DNAH14: variants seen among roughly 807,000 people sequenced by gnomAD.
DNAH14 encodes axonemal beta dynein heavy chain 14.
Under a neutral mutation model 520.9 loss-of-function variants are expected in DNAH14, and 478 were observed. The observed-to-expected ratio is 0.92, with a 90% confidence interval of 0.85 to 0.99. The LOEUF (loss-of-function observed/expected upper bound fraction) is 0.99, where lower values mean the gene tolerates loss of function less well. Ranked by LOEUF, DNAH14 falls within the 50% of genes least tolerant of loss-of-function variation. The probability of loss-of-function intolerance (pLI) is 0.00; values close to 1 mark genes in which losing one functional copy is unlikely to be tolerated. For missense variants in DNAH14, 4,831 were observed against 5,234.5 expected (o/e 0.92, Z 2.38); for synonymous variants, 1,581 against 1,757.2 (o/e 0.90, Z 2.51).
chr1:225,265,036 CA>C, intron 47 of DNAH14, 145 bp from the exon 48 acceptor site: 1 of 632,272 alleles, frequency 1.6e-6, no homozygotes. Flanking sequence ...AGAAATATTC[CA>C]AAGTTCTATC....
intron 35 of DNAH14, among the ~76,000 whole-genome samples, chr1:225,162,635 A>C (rs909495190): frequency 2.0e-5 from 3 of 152,182 alleles, no homozygotes; most frequent in African/African-American, 7.2e-5. Flanking sequence ...TAATATGAAC[A>C]TTTTAACAAT....
chr1:225,043,919 T>C lies in DNAH14; in HGVS notation c.1848T>C (p.Asp616=). The change falls in exon 15 of 86, where the codon GAT becomes GAC. Residue 616 remains aspartate (D), a synonymous_variant. Transcript: ENST00000682510. ...FPEFPTNLFI[D]PNRLEFSVKI... ...AATTTCCTACAAATCTCTTTATAGATCCCAACAGATTGGAGTTTTCAGTAA... is the reference window on the plus strand; with the variant it reads ...AATTTCCTACAAATCTCTTTATAGACCCCAACAGATTGGAGTTTTCAGTAA... The C allele has an allele frequency of 6.5e-7, 1 of 1,527,250 alleles. No homozygotes were observed. Among genetic ancestry groups the C allele is most frequent in the South Asian group, 1.2e-5 (1 of 81,276 alleles). 94.6% of individuals were successfully genotyped at this position (1,527,250 alleles called of 1,614,324 possible). A position where few individuals can be genotyped will look rare whatever the true frequency, so the allele number is the denominator to read the frequency against.
intron 55 of DNAH14, among the ~76,000 whole-genome samples, chr1:225,293,915 T>C (rs897584948): frequency 6.6e-6 from 1 of 152,206 alleles, no homozygotes; most frequent in African/African-American, 2.4e-5. Context: ...CCTTTTTAAC[T>C]TGGAGGCCCT....
At chr1:225,015,549 T>C (rs1419103601) in intron 10 of DNAH14, among the ~76,000 whole-genome samples, 4 of 152,186 alleles carry the variant, frequency 2.6e-5, no homozygotes, top group African/African-American at 9.7e-5. Flanking sequence ...GAGTATTTCT[T>C]GTAAGTCCAT....
intron 54 of DNAH14, among the ~76,000 whole-genome samples, chr1:225,277,966 TTAA>T (rs2093530203): frequency 6.6e-6 from 1 of 152,090 alleles, no homozygotes; most frequent in African/African-American, 2.4e-5. Context: ...ATAAAGCATA[TTAA>T]TTATTTTTAT....
At chr1:225,077,180 A>G (rs1183405412) in intron 17 of DNAH14, among the ~76,000 whole-genome samples, 1 of 152,160 alleles carries the variant, frequency 6.6e-6, no homozygotes, top group Non-Finnish European at 1.5e-5. Flanking sequence ...ATAATCTTGC[A>G]GTTGTTTTCC....
At chr1:224,945,315 A>C (rs1449697241) in intron 1 of DNAH14, among the ~76,000 whole-genome samples, 1 of 152,046 alleles carries the variant, frequency 6.6e-6, no homozygotes, top group Non-Finnish European at 1.5e-5. Flanking sequence ...TTCGTCACGT[A>C]GTTATCGTGC....
At chr1:225,373,228 G>T (rs915510626) in intron 77 of DNAH14, among the ~76,000 whole-genome samples, 1 of 151,762 alleles carries the variant, frequency 6.6e-6, no homozygotes, top group African/African-American at 2.4e-5. Context: ...GGCCGGGCGC[G>T]GTGGGTAATC....
intron 10 of DNAH14, among the ~76,000 whole-genome samples, chr1:225,013,938 A>C (rs928449153): frequency 7.2e-5 from 11 of 152,058 alleles, no homozygotes; most frequent in Non-Finnish European, 1.5e-5. Context: ...CTTCCTGGCT[A>C]CATCCCCCTT....
chr1:225,279,243 G>A (rs1268721169), intron 54 of DNAH14, among the ~76,000 whole-genome samples: 1 of 152,138 alleles, frequency 6.6e-6, no homozygotes, highest in Non-Finnish European at 1.5e-5. Flanking sequence ...CTGACCTCAG[G>A]TGATCCTCCC....
intron 8 of DNAH14, among the ~76,000 whole-genome samples, chr1:224,979,307 T>A (rs77552187): frequency 1.3e-4 from 20 of 152,118 alleles, no homozygotes; most frequent in Non-Finnish European, 2.5e-4. Flanking sequence ...TGTGGAGAGA[T>A]AATCTGAGCA....
At chr1:224,996,818 A>G (rs2063423641) in intron 8 of DNAH14, among the ~76,000 whole-genome samples, 1 of 152,118 alleles carries the variant, frequency 6.6e-6, no homozygotes. Context: ...AAATACACAG[A>G]TGAGGTTTGC....
chr1:225,357,848 G>A (rs1224896335), intron 73 of DNAH14: 5 of 701,774 alleles, frequency 7.1e-6, no homozygotes, highest in Non-Finnish European at 1.3e-5. Flanking sequence ...ATATTTTATG[G>A]TCATTGTGTA....
At chr1:224,995,742 C>T (rs2063352256) in intron 8 of DNAH14, among the ~76,000 whole-genome samples, 2 of 151,008 alleles carry the variant, frequency 1.3e-5, no homozygotes, top group Admixed American at 6.6e-5. Context: ...TATTCTTTTC[C>T]CTTTGCTTTT....
chr1:225,361,376 G>T (rs10047221), intron 75 of DNAH14, among the ~76,000 whole-genome samples: 38,494 of 152,162 alleles, frequency 0.25, 5,205 homozygotes, highest in East Asian at 0.35. Flanking sequence ...CACTCATGCA[G>T]AAATTTTTAT....
At position 225,364,643 on chromosome 1, in the gene DNAH14, C is replaced by G. The variant is rs1190805439; in HGVS notation, c.11988-149C>G. The G allele has an allele frequency of 3.3e-5, 17 of 516,720 alleles. No homozygotes were observed. The East Asian group carries it at 5.8e-4, about 17-fold the overall frequency. 32.0% of individuals were successfully genotyped at this position (516,720 alleles called of 1,614,324 possible). On this transcript the variant is annotated intron_variant, in intron 75 of 85. Coordinates refer to ENST00000682510, the MANE Select transcript of DNAH14 (RefSeq NM_001367479.1). ...GATGGGTCGTGTGCAAATTCTTGCG[C>G]AACATGGAAGCTCTTCTGATAATAC...
chr1:225,102,014 G>A (rs2075518505), intron 23 of DNAH14, among the ~76,000 whole-genome samples: 2 of 150,808 alleles, frequency 1.3e-5, no homozygotes, highest in South Asian at 4.2e-4. Flanking sequence ...TTAACATTAG[G>A]TATATCTCCT....
chr1:225,357,943 C>A (rs773829336), intron 73 of DNAH14: 109 of 667,496 alleles, frequency 1.6e-4, no homozygotes, highest in Admixed American at 2.6e-4. Flanking sequence ...TTCCAGTATA[C>A]CCTGAACCTC....
intron 1 of DNAH14, among the ~76,000 whole-genome samples, chr1:224,948,003 A>G (rs1448742837): frequency 6.6e-6 from 1 of 151,996 alleles, no homozygotes; most frequent in Non-Finnish European, 1.5e-5. Flanking sequence ...TGTATTCTGC[A>G]CTTCTTGAGT....
Sources: allele counts gnomAD v4.1 joint callset (sites outside exome capture counted in the v4.1 genomes callset), GRCh38; gene constraint gnomAD v4.1.1; transcripts MANE v1.5; gene names NCBI Gene and HGNC (gene_info 2026-07-23, HGNC 2026-07-21).